Variants in ERC1 observed in about 807,000 individuals in gnomAD.
ERC1 encodes the protein ELKS/RAB6-interacting/CAST family member 1.
A neutral mutation model predicts 132.0 loss-of-function variants in ERC1; 56 were observed. The ratio of observed to expected loss-of-function variants is 0.42; its 90% CI spans 0.34 to 0.53. ERC1 has a LOEUF of 0.53. Among genes scored for constraint, ERC1 ranks in the 20% least tolerant of loss-of-function variants. ERC1 has a pLI of 0.03. For missense variants in ERC1, 1,202 were observed against 1,349.9 expected, an observed-to-expected ratio of 0.89 and a Z score of 1.72; for synonymous variants, 478 against 476.1, an observed-to-expected ratio of 1.00 and a Z score of -0.05.
chr12:1,045,250 T>A (rs772382839), intron 2 of ERC1, among the ~76,000 whole-genome samples: 19 of 152,158 alleles, frequency 1.2e-4, no homozygotes. Flanking sequence ...TCCCTATTAT[T>A]TACTCCACTG....
chr12:1,403,236 C>T (rs1403386573), intron 16 of ERC1, among the ~76,000 whole-genome samples: 2 of 152,080 alleles, frequency 1.3e-5, no homozygotes, highest in Non-Finnish European at 2.9e-5. Flanking sequence ...TTCCTTCAGA[C>T]AACGTTATTC....
intron 18 of ERC1, among the ~76,000 whole-genome samples, chr12:1,467,999 C>T (rs984731105): frequency 1.3e-5 from 2 of 152,212 alleles, no homozygotes; most frequent in African/African-American, 4.8e-5. Flanking sequence ...TAGCCCTTCA[C>T]CTCCTGCTGT....
chr12:1,097,666 G>A (rs1312114723), intron 3 of ERC1, among the ~76,000 whole-genome samples: 1 of 151,722 alleles, frequency 6.6e-6, no homozygotes, highest in East Asian at 1.9e-4. Context: ...GTTAGACAGT[G>A]CTGCTTTTCT....
chr12:1,169,432 C>T (rs1450514533), intron 8 of ERC1, among the ~76,000 whole-genome samples: 1 of 152,166 alleles, frequency 6.6e-6, no homozygotes, highest in African/African-American at 2.4e-5. Context: ...CAGAGCTCCT[C>T]GTGGGGTTGT....
intron 15 of ERC1, among the ~76,000 whole-genome samples, chr12:1,340,833 C>T (rs1372208785): frequency 6.6e-6 from 1 of 152,000 alleles, no homozygotes; most frequent in African/African-American, 2.4e-5. Context: ...TTCCTGGGCT[C>T]AAGCAGTCCT....
At chr12:1,143,431 CAT>C (rs1055614844) in intron 8 of ERC1, among the ~76,000 whole-genome samples, 2 of 149,882 alleles carry the variant, frequency 1.3e-5, no homozygotes, top group African/African-American at 4.9e-5. Context: ...GATTTTGTGA[CAT>C]ATTACAAAAG....
intron 2 of ERC1, among the ~76,000 whole-genome samples, chr12:1,080,052 T>C (rs889153637): frequency 5.9e-5 from 9 of 152,238 alleles, no homozygotes; most frequent in Non-Finnish European, 1.2e-4. Flanking sequence ...CATCTTACAA[T>C]AGTGAAAAAT....
At chr12:1,198,460 T>C (rs1594155761) in intron 12 of ERC1, among the ~76,000 whole-genome samples, 1 of 152,342 alleles carries the variant, frequency 6.6e-6, no homozygotes, top group East Asian at 1.9e-4. Flanking sequence ...AGATCAGTTT[T>C]GTTGTTCGTA....
chr12:1,335,996 G>A (rs1046859680), intron 15 of ERC1, among the ~76,000 whole-genome samples: 1 of 152,088 alleles, frequency 6.6e-6, no homozygotes, highest in African/African-American at 2.4e-5. Context: ...TCTTGGGAGG[G>A]TGTATGTGTC....
intron 7 of ERC1, among the ~76,000 whole-genome samples, chr12:1,123,072 A>G (rs886871449): frequency 1.3e-5 from 2 of 152,118 alleles, no homozygotes; most frequent in African/African-American, 4.8e-5. Flanking sequence ...TGATGGGGTA[A>G]TGTCTTGTTT....
intron 3 of ERC1, among the ~76,000 whole-genome samples, chr12:1,099,604 T>C (rs1179592465): frequency 6.6e-6 from 1 of 152,198 alleles, no homozygotes; most frequent in East Asian, 1.9e-4. Flanking sequence ...AGTATTTTCA[T>C]TCATTTGACA....
chr12:1,325,141 C>G (rs2082360689), intron 15 of ERC1, among the ~76,000 whole-genome samples: 1 of 152,106 alleles, frequency 6.6e-6, no homozygotes, highest in South Asian at 2.1e-4. Context: ...TTCAGCTTCC[C>G]TTTTTCGGTT....
chr12:1,187,016 A>G (rs1040211799), intron 11 of ERC1, among the ~76,000 whole-genome samples: 3 of 152,096 alleles, frequency 2.0e-5, no homozygotes, highest in African/African-American at 4.8e-5. Flanking sequence ...CTCTTAGTGG[A>G]GATGGGGTTT....
chr12:1,323,943 C>G (rs2082280965), intron 15 of ERC1, among the ~76,000 whole-genome samples: 1 of 152,128 alleles, frequency 6.6e-6, no homozygotes, highest in Non-Finnish European at 1.5e-5. Context: ...AGCTGTGAAC[C>G]CTTGTCATCC....
intron 8 of ERC1, among the ~76,000 whole-genome samples, chr12:1,161,303 T>C (rs1177098484): frequency 1.3e-5 from 2 of 152,112 alleles, no homozygotes; most frequent in African/African-American, 4.8e-5. Context: ...TCTTGAAAGT[T>C]TGCAAGGTAG....
intron 15 of ERC1, among the ~76,000 whole-genome samples, chr12:1,362,470 G>C (rs927380611): frequency 6.7e-6 from 1 of 148,958 alleles, no homozygotes; most frequent in African/African-American, 2.5e-5. Flanking sequence ...CTCTCTCTCT[G>C]TCTCTCTCTC....
At chr12:997,941 G>T (rs1184773027) in intron 1 of ERC1, among the ~76,000 whole-genome samples, 3 of 152,196 alleles carry the variant, frequency 2.0e-5, no homozygotes, top group African/African-American at 7.2e-5. Flanking sequence ...CTTGATAAAA[G>T]AATGAAGTTC....
At chr12:1,056,208 C>A (rs1347050137) in intron 2 of ERC1, among the ~76,000 whole-genome samples, 1 of 151,100 alleles carries the variant, frequency 6.6e-6, no homozygotes, top group African/African-American at 2.4e-5. Context: ...TCCTTTTTCC[C>A]CCGTAATGAA....
rs1555310945 is a variant in ERC1 at position 1,216,607 on chromosome 12, A to AGGAGGGATGGGGGTCGGGGG, written c.2352-20149_2352-20148insTCGGGGGGGAGGGATGGGGG. ...TGACATAGCCTTGGTGGGGTCGGGG[A>AGGAGGGATGGGGGTCGGGGG]GGAGGGATGGGGGGTGGGGGGCGGG... On this transcript the variant is annotated intron_variant, in intron 12 of 18. Transcript: ENST00000360905. Among the ~76,000 whole-genome samples, 12 of 27,454 alleles carry AGGAGGGATGGGGGTCGGGGG rather than the reference A, an allele frequency of 4.4e-4. 1 individual carries two copies. The South Asian group carries it at 6.0e-3, about 14-fold the overall frequency. The allele number at this position is 27,454 out of a possible 152,430, so 18.0% of individuals were successfully genotyped here.
Sources: allele counts gnomAD v4.1 joint callset (sites outside exome capture counted in the v4.1 genomes callset), GRCh38; gene constraint gnomAD v4.1.1; transcripts MANE v1.5; gene names NCBI Gene and HGNC (gene_info 2026-07-23, HGNC 2026-07-21).